Variants in PBX4 observed in about 807,000 individuals in gnomAD.
The protein encoded by PBX4 is PBX homeobox 4, also known as pre-B-cell leukemia transcription factor 4.
Under a neutral mutation model 35.1 loss-of-function variants are expected in PBX4, and 26 were observed. The ratio of observed to expected loss-of-function variants is 0.74; its 90% CI spans 0.54 to 1.03. PBX4 has a LOEUF of 1.03. Among genes scored for constraint, PBX4 ranks in the 50% least tolerant of loss-of-function variants. PBX4 has a pLI of 0.00. For synonymous variants in PBX4, 199 were observed against 204.2 expected (o/e 0.97, Z 0.22); for missense variants, 448 against 504.3 (o/e 0.89, Z 1.07).
intron 2 of PBX4, among the ~76,000 whole-genome samples, chr19:19,581,377 C>A (rs938465203): frequency 1.3e-5 from 2 of 152,192 alleles, no homozygotes; most frequent in African/African-American, 4.8e-5. Context: ...GCCTCTGAAC[C>A]ACCCCAGTCC....
chr19:19,597,991 T>C (rs2061570734), intron 2 of PBX4, among the ~76,000 whole-genome samples: 1 of 152,142 alleles, frequency 6.6e-6, no homozygotes, highest in African/African-American at 2.4e-5. Context: ...TTCTACAAAA[T>C]GACTGAGCGC....
chr19:19,593,010 G>A (rs945539935), intron 2 of PBX4, among the ~76,000 whole-genome samples: 6 of 152,208 alleles, frequency 3.9e-5, no homozygotes, highest in Admixed American at 1.3e-4. Flanking sequence ...GGGTCTGCCC[G>A]AGGCTGTGCA....
intron 2 of PBX4, chr19:19,588,236 C>A (rs2061502904): frequency 3.7e-6 from 5 of 1,362,784 alleles, no homozygotes; most frequent in Non-Finnish European, 5.2e-6. Context: ...AGGGCCTCCA[C>A]AGATCACACA....
At chr19:19,586,626 C>A (rs186805369) in intron 2 of PBX4, among the ~76,000 whole-genome samples, 2 of 152,030 alleles carry the variant, frequency 1.3e-5, no homozygotes, top group South Asian at 2.1e-4. Context: ...TGAGGAGTTG[C>A]AAACATTTAA....
At position 19,562,085 on chromosome 19, in the gene PBX4, T is replaced by A. The variant is rs1299457982; in HGVS notation, c.1065A>T (p.Gln355His). 1 of 1,612,708 alleles carries A rather than the reference T, an allele frequency of 6.2e-7. No homozygotes were observed. The highest frequency in any genetic ancestry group is 1.7e-5 in the Admixed American group (1 of 59,880). ...CTCCAGCAGGTGAGGCAGTTGCAGG[T>A]TGGGGGGTGGCCCCCTGCCAGCTAC... Reference protein sequence around the residue: ...AQGSWQGATPQPATASPAGDP... With the variant: ...AQGSWQGATPHPATASPAGDP... The change falls in exon 8 of 8, where the codon CAA (glutamine) becomes CAT (histidine). Residue 355 changes from glutamine (Q) to histidine (H), a missense_variant. By Grantham distance (24) the Gln-to-His change is conservative. Coordinates refer to ENST00000251203, the MANE Select transcript of PBX4 (RefSeq NM_025245.3). The surrounding 1 kb of genome is among the most constrained non-coding windows in gnomAD (Gnocchi z 4.8).
chr19:19,583,959 C>T (rs1351604552), intron 2 of PBX4, among the ~76,000 whole-genome samples: 1 of 152,136 alleles, frequency 6.6e-6, no homozygotes, highest in Non-Finnish European at 1.5e-5. Flanking sequence ...ATCCCAGCTA[C>T]TCGGGAGGCT....
chr19:19,572,602 C>G (rs567729028), intron 2 of PBX4, among the ~76,000 whole-genome samples: 8 of 151,988 alleles, frequency 5.3e-5, no homozygotes, highest in Non-Finnish European at 8.8e-5. Context: ...CAGTGGCTCA[C>G]GCCTGTAATC....
intron 2 of PBX4, among the ~76,000 whole-genome samples, chr19:19,598,739 A>C (rs1375031914): frequency 6.6e-6 from 1 of 152,136 alleles, no homozygotes; most frequent in Non-Finnish European, 1.5e-5. Flanking sequence ...GTTATAAACT[A>C]CAAAATAAAT....
At chr19:19,618,202 G>T (rs1206928280) in intron 1 of PBX4, among the ~76,000 whole-genome samples, 2 of 151,842 alleles carry the variant, frequency 1.3e-5, no homozygotes, top group Non-Finnish European at 2.9e-5. Context: ...TCCCATTAAC[G>T]TACCCATTTA....
At chr19:19,590,795 G>T (rs2061523703) in intron 2 of PBX4, among the ~76,000 whole-genome samples, 1 of 151,966 alleles carries the variant, frequency 6.6e-6, no homozygotes, top group Non-Finnish European at 1.5e-5. Flanking sequence ...TAGTTATCAT[G>T]GACATCAGGT....
intron 1 of PBX4, among the ~76,000 whole-genome samples, chr19:19,616,233 C>A (rs6511046): frequency 6.6e-6 from 1 of 151,916 alleles, no homozygotes; most frequent in African/African-American, 2.4e-5. Context: ...TGGAGGTAAA[C>A]GGGATGGGAG....
chr19:19,589,098 A>T lies in PBX4; in HGVS notation c.193+10194T>A, dbSNP rs562449511. ...AGCTATGATCACACCAGTGCCTCCAACCCGCATGACAGAGCGAGATCTTGA... is the reference window on the plus strand; with the variant it reads ...AGCTATGATCACACCAGTGCCTCCATCCCGCATGACAGAGCGAGATCTTGA... On this transcript the variant is annotated intron_variant, in intron 2 of 7. Coordinates refer to ENST00000251203, the MANE Select transcript of PBX4 (RefSeq NM_025245.3). Among the ~76,000 whole-genome samples the T allele has an allele frequency of 1.1e-3, 171 of 152,084 alleles. 1 individual carries two copies. Among genetic ancestry groups the T allele is most frequent in the African/African-American group, 4.0e-3 (164 of 41,492 alleles).
intron 2 of PBX4, among the ~76,000 whole-genome samples, chr19:19,587,274 A>G (rs1174354580): frequency 6.6e-6 from 1 of 152,168 alleles, no homozygotes; most frequent in African/African-American, 2.4e-5. Flanking sequence ...GAATGAAAAT[A>G]ACATGACACC....
chr19:19,569,428 C>T (rs368715778), intron 5 of PBX4, 21 bp downstream of exon 5: 54 of 1,600,948 alleles, frequency 3.4e-5, no homozygotes, highest in Non-Finnish European at 4.3e-5. Flanking sequence ...CGTGGCGAGA[C>T]GTGGCAGGAG....
intron 2 of PBX4, chr19:19,588,215 T>A (rs2061502842): frequency 7.3e-7 from 1 of 1,361,236 alleles, no homozygotes; most frequent in African/African-American, 1.4e-5. Flanking sequence ...ATAATAGGCA[T>A]CAGAGACCCC....
intron 2 of PBX4, among the ~76,000 whole-genome samples, chr19:19,586,747 C>T (rs565500596): frequency 4.0e-5 from 6 of 151,652 alleles, no homozygotes; most frequent in South Asian, 2.1e-4. Context: ...ATGGCTAACA[C>T]GGTAAAACCC....
At position 19,605,361 on chromosome 19, in the gene PBX4, A is replaced by G. The variant is rs543204120; in HGVS notation, c.120-5996T>C. 8.5e-3 allele frequency among the ~76,000 whole-genome samples: 1,280 copies of G among 150,640 alleles called. 21 individuals carry two copies. Among genetic ancestry groups the G allele is most frequent in the African/African-American group, 0.03 (1,228 of 41,258 alleles). ...AGCCTGGGAGGTGGAGGCTACAGTG[A>G]GCTGAGATTGCGCCACAGCACTCCA... On this transcript the variant is annotated intron_variant, in intron 1 of 7. Coordinates refer to ENST00000251203, the MANE Select transcript of PBX4 (RefSeq NM_025245.3).
chr19:19,573,293 G>A (rs1413056814), intron 2 of PBX4, among the ~76,000 whole-genome samples: 30 of 144,640 alleles, frequency 2.1e-4, no homozygotes, highest in East Asian at 1.0e-3. Flanking sequence ...CAACAAGAGC[G>A]AAACTCCATC....
At position 19,570,256 on chromosome 19, in the gene PBX4, T is replaced by C; in HGVS notation, c.485A>G (p.Glu162Gly). The C allele has an allele frequency of 6.2e-7, 1 of 1,613,340 alleles. No individual in the cohort carries two copies. Among genetic ancestry groups the C allele is most frequent in the African/African-American group, 1.3e-5 (1 of 75,052 alleles). The change falls in exon 4 of 8, where the codon GAG becomes GGG. Residue 162 changes from glutamate (E) to glycine (G), a missense_variant. Glu to Gly is a moderately conservative substitution (Grantham distance 98). Coordinates refer to ENST00000251203, the MANE Select transcript of PBX4 (RefSeq NM_025245.3). ...GGAGACAGGCCTCATCCTGCTCTGC[T>C]CCTGGAGGAGGTTGGTGACGTGCGT... is the stretch of plus-strand genomic sequence containing the variant. ...FTTHVTNLLQEQSRMRPVSPK... is the reference protein window; with the variant it reads ...FTTHVTNLLQGQSRMRPVSPK...
Sources: allele counts gnomAD v4.1 joint callset (sites outside exome capture counted in the v4.1 genomes callset), GRCh38; gene constraint gnomAD v4.1.1; non-coding constraint Gnocchi (gnomAD v3.1); transcripts MANE v1.5; gene names NCBI Gene and HGNC (gene_info 2026-07-23, HGNC 2026-07-21).